Variants in TMEM94 observed in about 807,000 individuals in gnomAD.
The protein encoded by TMEM94 is ER Mg2+ ATPase.
A neutral mutation model predicts 158.6 loss-of-function variants in TMEM94; 81 were observed. The observed-to-expected ratio is 0.51, with a 90% confidence interval of 0.43 to 0.61. The LOEUF (loss-of-function observed/expected upper bound fraction) is 0.61. Among genes scored for constraint, TMEM94 ranks in the 20% least tolerant of loss-of-function variants. TMEM94 has a pLI of 0.00. For synonymous variants in TMEM94, 751 were observed against 730.7 expected, an observed-to-expected ratio of 1.03 and a Z score of -0.45; for missense variants, 1,435 against 1,762.0, an observed-to-expected ratio of 0.81 and a Z score of 3.32.
chr17:75,493,348 C>A, intron 16 of TMEM94, 143 bp from the exon 17 acceptor site: 4 of 899,548 alleles, frequency 4.4e-6, no homozygotes, highest in Middle Eastern at 4.6e-4. Context: ...CATTGCAGAG[C>A]CTTGCTGTCC....
Position 75,491,533 on chromosome 17 carries a change from G to A in TMEM94, c.1386+78G>A. 2.5e-6 allele frequency: 4 copies of A among 1,605,740 alleles called. No homozygotes were observed. The South Asian group carries it at 4.4e-5, about 18-fold the overall frequency. ...TTTAGCCTTGGAGCCTGGCCAGGGAGGGTGAGGTTTCGGAGGGCGAAGGAG... is the reference window on the plus strand; with the variant it reads ...TTTAGCCTTGGAGCCTGGCCAGGGAAGGTGAGGTTTCGGAGGGCGAAGGAG... On this transcript the variant is annotated intron_variant, in intron 13 of 31. Coordinates refer to ENST00000314256, the MANE Select transcript of TMEM94 (RefSeq NM_014738.6). This position sits in a 1 kb window ranked among gnomAD's most constrained non-coding sequence, Gnocchi z 5.1.
Position 75,495,837 on chromosome 17 carries a change from G to T in TMEM94, c.2945-129G>T. 1.2e-6 allele frequency: 1 copy of T among 808,160 alleles called. No individual in the cohort carries two copies. 50.1% of individuals were successfully genotyped at this position (808,160 alleles called of 1,614,324 possible). On this transcript the variant is annotated intron_variant, in intron 22 of 31. Coordinates refer to ENST00000314256, the MANE Select transcript of TMEM94 (RefSeq NM_014738.6). The surrounding 1 kb of genome is among the most constrained non-coding windows in gnomAD (Gnocchi z 5.6). The stretch of plus-strand genomic sequence containing the variant: ...CGATGTTCACATGATCCCGCTGCCG[G>T]GGGTGGGATTGTTTCAAAGAGGGGC...
At chr17:75,476,523 G>A in intron 2 of TMEM94, 1 of 1,424,772 alleles carries the variant, frequency 7.0e-7, no homozygotes, top group Non-Finnish European at 9.1e-7. Context: ...TTGAAGCTCT[G>A]CTCTGCTGCG....
Position 75,488,916 on chromosome 17 carries a change from G to A in TMEM94, c.764+6G>A, listed in dbSNP as rs2051877360. 2.6e-6 allele frequency: 4 copies of A among 1,556,608 alleles called. No individual in the cohort carries two copies. The highest frequency in any genetic ancestry group is 3.5e-6 in the Non-Finnish European group (4 of 1,149,120). ...CCTGTGATTGACAACATCAGGTAGG[G>A]GTGCTGCCCCGCCTCCTCCTGTCCC... On this transcript the variant is annotated splice_donor_region_variant and intron_variant, in intron 7 of 31. Coordinates refer to ENST00000314256, the MANE Select transcript of TMEM94 (RefSeq NM_014738.6).
chr17:75,492,758 C>G lies in TMEM94; in HGVS notation c.1881C>G (p.Pro627=). 1 of 1,608,242 alleles carries G rather than the reference C, an allele frequency of 6.2e-7. No individual in the cohort carries two copies. Among genetic ancestry groups the G allele is most frequent in the Non-Finnish European group, 8.5e-7 (1 of 1,179,740 alleles). The change falls in exon 15 of 32, where the codon CCC becomes CCG. Residue 627 remains proline (P), a synonymous_variant. Coordinates refer to ENST00000314256, the MANE Select transcript of TMEM94 (RefSeq NM_014738.6). The surrounding 1 kb of genome is among the most constrained non-coding windows in gnomAD (Gnocchi z 4.4). ...SHSAVLPVHV[P]WGLCELARLI... ...GCGCCGTGCTGCCCGTCCATGTGCC[C>G]TGGGGCCTCTGCGAGCTTGCCCGCC...
Position 75,496,344 on chromosome 17 carries a change from G to A in TMEM94, c.3116G>A (p.Ser1039Asn), listed in dbSNP as rs754413228. ...CSWETFGYAT[S>N]ISMAQASDGL... Reference sequence around the variant, plus strand: ...TGGGAGACCTTTGGCTACGCCACCAGCATCAGCATGGCCCAGGCCTCGGAT... The same window carrying A: ...TGGGAGACCTTTGGCTACGCCACCAACATCAGCATGGCCCAGGCCTCGGAT... Residue 1039 changes from serine to asparagine, a missense_variant, in exon 24 of 32, where the codon AGC (serine) becomes AAC (asparagine). By Grantham distance (46) the Ser-to-Asn change is conservative. Transcript: ENST00000314256. The A allele has an allele frequency of 1.4e-5, 22 of 1,614,146 alleles. No homozygotes were observed. Among genetic ancestry groups the A allele is most frequent in the Non-Finnish European group, 1.9e-5 (22 of 1,180,046 alleles).
In TMEM94 at chr17:75,490,000, AC is replaced by A. The variant is rs2146678042; in HGVS notation, c.955-232del. On this transcript the variant is annotated intron_variant, in intron 9 of 31. Coordinates refer to ENST00000314256, the MANE Select transcript of TMEM94 (RefSeq NM_014738.6). The surrounding 1 kb of genome is among the most constrained non-coding windows in gnomAD (Gnocchi z 5.0). ...TGGCTGAGGTGGGAGAATCCCTTGA[AC>A]CTGGGAGGTGGAGGTTGCAGTGAGC... is the stretch of plus-strand genomic sequence containing the variant. The A allele has an allele frequency of 3.4e-6, 2 of 585,046 alleles. No individual in the cohort carries two copies. Among genetic ancestry groups the A allele is most frequent in the East Asian group, 6.1e-5 (2 of 32,766 alleles). The allele number at this position is 585,046 out of a possible 1,614,324, so 36.2% of individuals were successfully genotyped here.
At position 75,498,843 on chromosome 17, in the gene TMEM94, G is replaced by A; in HGVS notation, c.3828-69G>A. ...TAACTGTACCCTGCCTGAGCTAACTGTTGTACTGGGAAGAGCAGGGAAGGA... is the reference window on the plus strand; with the variant it reads ...TAACTGTACCCTGCCTGAGCTAACTATTGTACTGGGAAGAGCAGGGAAGGA... On this transcript the variant is annotated intron_variant, in intron 30 of 31. Coordinates refer to ENST00000314256, the MANE Select transcript of TMEM94 (RefSeq NM_014738.6). The surrounding 1 kb of genome is among the most constrained non-coding windows in gnomAD (Gnocchi z 6.7). 8 of 1,523,550 alleles carry A rather than the reference G, an allele frequency of 5.3e-6. No individual in the cohort carries two copies. Among genetic ancestry groups the A allele is most frequent in the Middle Eastern group, 1.8e-4 (1 of 5,608 alleles). 94.4% of individuals were successfully genotyped at this position (1,523,550 alleles called of 1,614,324 possible). A position where few individuals can be genotyped will look rare whatever the true frequency, so the allele number is the denominator to read the frequency against.
At chr17:75,471,449 A>G (rs917078497) in intron 1 of TMEM94, among the ~76,000 whole-genome samples, 6 of 151,782 alleles carry the variant, frequency 4.0e-5, no homozygotes, top group African/African-American at 9.7e-5. Flanking sequence ...TCCGCGTACC[A>G]TACTGTGGTT....
At position 75,498,869 on chromosome 17, in the gene TMEM94, A is replaced by G. The variant is rs1567983772; in HGVS notation, c.3828-43A>G. 3.9e-6 allele frequency: 6 copies of G among 1,526,904 alleles called. No homozygotes were observed. The highest frequency in any genetic ancestry group is 5.3e-6 in the Non-Finnish European group (6 of 1,137,480). The allele number at this position is 1,526,904 out of a possible 1,614,324, so 94.6% of individuals were successfully genotyped here. ...TTGTACTGGGAAGAGCAGGGAAGGA[A>G]GCAAGCAGTGTCGGGTTCACACGGG... On this transcript the variant is annotated intron_variant, in intron 30 of 31. Transcript: ENST00000314256. This position sits in a 1 kb window ranked among gnomAD's most constrained non-coding sequence, Gnocchi z 6.7.
intron 2 of TMEM94, among the ~76,000 whole-genome samples, chr17:75,484,363 G>GT (rs1338704041): frequency 8.1e-6 from 1 of 123,182 alleles, no homozygotes; most frequent in Non-Finnish European, 1.6e-5. Flanking sequence ...TTTCCTTCAT[G>GT]TCTTTCCTAG....
chr17:75,474,505 A>G (rs1469222360), intron 2 of TMEM94, among the ~76,000 whole-genome samples: 2 of 151,510 alleles, frequency 1.3e-5, no homozygotes, highest in Non-Finnish European at 2.9e-5. Context: ...GCCAGGCATG[A>G]TAGTGCATGC....
In TMEM94 at chr17:75,488,019, A is replaced by G; in HGVS notation, c.497A>G (p.His166Arg). The G allele has an allele frequency of 6.2e-7, 1 of 1,614,132 alleles. No individual in the cohort carries two copies. Among genetic ancestry groups the G allele is most frequent in the Non-Finnish European group, 8.5e-7 (1 of 1,180,012 alleles). Reference sequence around the variant, plus strand: ...CCTTTTGCGCCATCCTGGTCCTTGCACTGGGCCTACAGAGACGGACACCTG... The same window carrying G: ...CCTTTTGCGCCATCCTGGTCCTTGCGCTGGGCCTACAGAGACGGACACCTG... ...HMPFAPSWSLHWAYRDGHLVN... is the reference protein window; with the variant it reads ...HMPFAPSWSLRWAYRDGHLVN... The change falls in exon 6 of 32, where the codon CAC becomes CGC. Residue 166 changes from histidine to arginine, a missense_variant. Around this residue, in one of 3 missense-constraint regions of TMEM94, gnomAD observed 1,051 missense variants for 1,254.4 expected, o/e 0.84. Transcript: ENST00000314256.
Position 75,495,705 on chromosome 17 carries a change from C to T in TMEM94, c.2944+62C>T, listed in dbSNP as rs1452987104. The T allele has an allele frequency of 2.2e-5, 33 of 1,487,082 alleles. No individual in the cohort carries two copies. The highest frequency in any genetic ancestry group is 3.0e-5 in the Non-Finnish European group (32 of 1,069,584). The allele number at this position is 1,487,082 out of a possible 1,614,324, so 92.1% of individuals were successfully genotyped here. A position where few individuals can be genotyped will look rare whatever the true frequency, so the allele number is the denominator to read the frequency against. On this transcript the variant is annotated intron_variant, in intron 22 of 31. Transcript: ENST00000314256. The surrounding 1 kb of genome is among the most constrained non-coding windows in gnomAD (Gnocchi z 5.6). ...TCCCGTCGGCTGAGCTCTGCCTGGG[C>T]CTGCGTACCCCGTGGGCTCTGGAGG...
At chr17:75,479,388 C>T (rs1262063136) in intron 2 of TMEM94, among the ~76,000 whole-genome samples, 3 of 152,048 alleles carry the variant, frequency 2.0e-5, no homozygotes, top group Admixed American at 6.5e-5. Context: ...GGCGCAATCT[C>T]GGCTCACTGC....
chr17:75,464,699 CTTT>C lies in TMEM94; in HGVS notation c.-106-7100_-106-7098del, dbSNP rs1242199179. Among the ~76,000 whole-genome samples, 7 of 135,860 alleles carry C rather than the reference CTTT, an allele frequency of 5.2e-5. 1 individual carries two copies. The highest frequency in any genetic ancestry group is 8.3e-5 in the African/African-American group (3 of 36,018). The allele number at this position is 135,860 out of a possible 152,430, so 89.1% of individuals were successfully genotyped here. The stretch of plus-strand genomic sequence containing the variant: ...TCCTTCTTTCTTTCTTTCTTTCTTT[CTTT>C]CTTTCCTCTTTTCTTTCTTTCTTGA... On this transcript the variant is annotated intron_variant, in intron 1 of 31. Transcript: ENST00000314256.
At position 75,494,678 on chromosome 17, in the gene TMEM94, G is replaced by C. The variant is rs138078660; in HGVS notation, c.2459G>C (p.Gly820Ala). 7.4e-6 allele frequency: 12 copies of C among 1,613,662 alleles called. No individual in the cohort carries two copies. Among genetic ancestry groups the C allele is most frequent in the Admixed American group, 1.7e-5 (1 of 60,002 alleles). The change falls in exon 19 of 32, where the codon GGC (glycine) becomes GCC (alanine). Residue 820 changes from glycine to alanine, a missense_variant. Gly to Ala is a moderately conservative substitution (Grantham distance 60). Transcript: ENST00000314256. The part of the protein sequence containing the change: ...EKEDCMQALS[G>A]QIFMGMVSSQ... ...GAAGACTGCATGCAGGCCCTGAGCG[G>C]CCAGATCTTCATGGGCATGGTGTCC...
At chr17:75,494,482 C>A in intron 18 of TMEM94, 145 bp from the exon 19 acceptor site, 1 of 712,482 alleles carries the variant, frequency 1.4e-6, no homozygotes, top group Non-Finnish European at 2.3e-6. Flanking sequence ...TCTCCTGTGT[C>A]TGTCGGCTCC....
intron 2 of TMEM94, among the ~76,000 whole-genome samples, chr17:75,474,860 C>A (rs1416549512): frequency 6.6e-6 from 1 of 152,110 alleles, no homozygotes; most frequent in Non-Finnish European, 1.5e-5. Flanking sequence ...GGTCCTCCAG[C>A]CCACAGTGGC....
Sources: allele counts gnomAD v4.1 joint callset (sites outside exome capture counted in the v4.1 genomes callset), GRCh38; gene constraint gnomAD v4.1.1; regional missense constraint gnomAD v4.1.1; non-coding constraint Gnocchi (gnomAD v3.1); transcripts MANE v1.5; gene names NCBI Gene and HGNC (gene_info 2026-07-23, HGNC 2026-07-21).